LPP: variants seen among roughly 807,000 people sequenced by gnomAD.
LPP encodes the protein LIM domain containing preferred translocation partner in lipoma.
Under a neutral mutation model 60.4 loss-of-function variants are expected in LPP, and 38 were observed. The observed-to-expected ratio is 0.63, with a 90% confidence interval of 0.49 to 0.83. The LOEUF is 0.83. Ranked by LOEUF, LPP falls within the 40% of genes least tolerant of loss-of-function variation. The pLI is 0.00. For missense variants in LPP, 902 were observed against 783.6 expected, an observed-to-expected ratio of 1.15 and a Z score of -1.80; for synonymous variants, 328 against 290.8, an observed-to-expected ratio of 1.13 and a Z score of -1.30.
chr3:188,512,956 T>C (rs775671269), intron 5 of LPP, among the ~76,000 whole-genome samples: 78 of 152,222 alleles, frequency 5.1e-4, no homozygotes, highest in Admixed American at 1.0e-3. Flanking sequence ...TTCTGTTTGA[T>C]TCATAAATCC....
chr3:188,231,630 T>C (rs1255642286), intron 2 of LPP, among the ~76,000 whole-genome samples: 1 of 151,828 alleles, frequency 6.6e-6, no homozygotes, highest in African/African-American at 2.4e-5. Context: ...GCACATACTC[T>C]TCCAGGGCCA....
chr3:188,358,991 G>A (rs1768432579), intron 3 of LPP, among the ~76,000 whole-genome samples: 1 of 152,158 alleles, frequency 6.6e-6, no homozygotes, highest in South Asian at 2.1e-4. Flanking sequence ...AGTCCCGTGA[G>A]ACAGCAATCA....
chr3:188,279,020 T>C (rs759831186), intron 2 of LPP, among the ~76,000 whole-genome samples: 4 of 152,236 alleles, frequency 2.6e-5, no homozygotes, highest in Non-Finnish European at 4.4e-5. Flanking sequence ...CTTCTGAGAA[T>C]GTAAATGCAC....
At chr3:188,314,537 G>T (rs1754461839) in intron 2 of LPP, among the ~76,000 whole-genome samples, 1 of 152,002 alleles carries the variant, frequency 6.6e-6, no homozygotes, top group Non-Finnish European at 1.5e-5. Flanking sequence ...AGATCCTAGA[G>T]ATCATTAATA....
intron 6 of LPP, among the ~76,000 whole-genome samples, chr3:188,592,557 G>GTTTTTTTTTTTTTTT (rs1553936333): frequency 1.0e-4 from 9 of 85,740 alleles, no homozygotes; most frequent in East Asian, 4.8e-4. Context: ...TTTTGTTTTT[G>GTTTTTTTTTTTTTTT]TTTTTTAAAT....
At chr3:188,473,818 A>G (rs1044236992) in intron 4 of LPP, among the ~76,000 whole-genome samples, 11 of 152,198 alleles carry the variant, frequency 7.2e-5, no homozygotes, top group Non-Finnish European at 1.3e-4. Flanking sequence ...CAGATCTTTT[A>G]TTGGAGAAGA....
chr3:188,731,400 T>G (rs1223386513), intron 8 of LPP, among the ~76,000 whole-genome samples: 1 of 152,238 alleles, frequency 6.6e-6, no homozygotes, highest in Non-Finnish European at 1.5e-5. Flanking sequence ...TGTTTGCTGA[T>G]TCCCAAGGAA....
chr3:188,213,728 C>T (rs1039168593), intron 1 of LPP, among the ~76,000 whole-genome samples: 7 of 152,040 alleles, frequency 4.6e-5, no homozygotes. Flanking sequence ...CTTCTGCTCT[C>T]CTTTGCTCCC....
chr3:188,299,217 C>T (rs936547083), intron 2 of LPP, among the ~76,000 whole-genome samples: 16 of 152,162 alleles, frequency 1.1e-4, no homozygotes, highest in Admixed American at 2.0e-4. Flanking sequence ...AGACTGTGTT[C>T]TAACATTTCA....
At chr3:188,550,405 C>T (rs534167105) in intron 6 of LPP, among the ~76,000 whole-genome samples, 1 of 151,658 alleles carries the variant, frequency 6.6e-6, no homozygotes, top group African/African-American at 2.4e-5. Context: ...GGTGAAACCC[C>T]GTCTCTACTA....
intron 9 of LPP, among the ~76,000 whole-genome samples, chr3:188,855,882 T>A (rs1036502369): frequency 6.6e-6 from 1 of 152,220 alleles, no homozygotes; most frequent in African/African-American, 2.4e-5. Flanking sequence ...GCCCTTGACT[T>A]CTGCTTTATT....
chr3:188,851,445 A>G (rs569664335), intron 9 of LPP, among the ~76,000 whole-genome samples: 1 of 152,346 alleles, frequency 6.6e-6, no homozygotes, highest in African/African-American at 2.4e-5. Context: ...GATAATCAAG[A>G]GCTTGCAAAA....
chr3:188,220,234 A>G (rs1715264092), intron 1 of LPP, among the ~76,000 whole-genome samples: 2 of 151,578 alleles, frequency 1.3e-5, no homozygotes, highest in South Asian at 4.2e-4. Context: ...GGAATCGTCA[A>G]CAATTTTCCT....
chr3:188,859,216 C>G (rs1358136902), intron 9 of LPP, among the ~76,000 whole-genome samples: 1 of 151,706 alleles, frequency 6.6e-6, no homozygotes, highest in African/African-American at 2.4e-5. Context: ...TGTTTCAGTG[C>G]AGGCTTATCT....
At chr3:188,210,354 TG>T (rs1423854645) in intron 1 of LPP, among the ~76,000 whole-genome samples, 5 of 152,184 alleles carry the variant, frequency 3.3e-5, no homozygotes, top group Non-Finnish European at 7.3e-5. Flanking sequence ...GGTTGAAATA[TG>T]GTCCTGAGAG....
chr3:188,853,679 G>A (rs1763183933), intron 9 of LPP, among the ~76,000 whole-genome samples: 1 of 152,142 alleles, frequency 6.6e-6, no homozygotes, highest in South Asian at 2.1e-4. Context: ...TGTCTTTAGA[G>A]CACAGGCATA....
intron 8 of LPP, among the ~76,000 whole-genome samples, chr3:188,715,511 G>A (rs1484364599): frequency 3.3e-5 from 5 of 151,680 alleles, no homozygotes; most frequent in Non-Finnish European, 7.4e-5. Context: ...AAAATGAATA[G>A]GAGAGAAAGG....
chr3:188,653,816 A>T (rs1033368419), intron 7 of LPP, among the ~76,000 whole-genome samples: 33 of 152,186 alleles, frequency 2.2e-4, no homozygotes, highest in African/African-American at 2.4e-5. Context: ...ATCTCTGATC[A>T]GTAGATTGGC....
chr3:188,245,488 CAGT>C (rs1249129621), intron 2 of LPP, among the ~76,000 whole-genome samples: 17 of 152,264 alleles, frequency 1.1e-4, no homozygotes, highest in Admixed American at 9.8e-4. Context: ...AGAAAATTCT[CAGT>C]AGATGTTTGC....
Sources: allele counts gnomAD v4.1 joint callset (sites outside exome capture counted in the v4.1 genomes callset), GRCh38; gene constraint gnomAD v4.1.1; transcripts MANE v1.5; gene names NCBI Gene and HGNC (gene_info 2026-07-23, HGNC 2026-07-21).